LRMDA: variants seen among roughly 807,000 people sequenced by gnomAD.
LRMDA encodes the protein leucine-rich melanocyte differentiation-associated protein.
A neutral mutation model predicts 29.8 loss-of-function variants in LRMDA; 18 were observed. The observed-to-expected ratio is 0.60, with a 90% CI of 0.42 to 0.90. The LOEUF is 0.90. Among genes scored for constraint, LRMDA ranks in the 40% least tolerant of loss-of-function variants. The probability of loss-of-function intolerance (pLI) is 0.00; values close to 1 mark genes in which losing one functional copy is unlikely to be tolerated. For synonymous variants in LRMDA, 125 were observed against 109.4 expected (o/e 1.14, Z -0.89); for missense variants, 273 against 273.9 (o/e 1.00, Z 0.02).
intron 5 of LRMDA, among the ~76,000 whole-genome samples, chr10:76,126,206 T>C (rs933599103): frequency 6.6e-6 from 1 of 152,210 alleles, no homozygotes; most frequent in African/African-American, 2.4e-5. Context: ...AGGTTGTTCA[T>C]GATGGAGCTG....
At chr10:76,363,161 GAAAGAAAGAAA>G (rs1841336184) in intron 6 of LRMDA, among the ~76,000 whole-genome samples, 8 of 39,460 alleles carry the variant, frequency 2.0e-4, no homozygotes, top group Non-Finnish European at 3.1e-4. Context: ...AAGAAAGAAA[GAAAGAAAGAAA>G]GAAAGGAGGG....
rs1842350234 is a variant in LRMDA at position 76,445,942 on chromosome 10, A to T, written c.602-111267A>T. ...ACTTCAGATCATTTTTATTATTAAG[A>T]AATAAAATATTTAGAAATAACTGAA... is the stretch of plus-strand genomic sequence containing the variant. On this transcript the variant is annotated intron_variant, in intron 6 of 6. Coordinates refer to ENST00000611255, the MANE Select transcript of LRMDA (RefSeq NM_001305581.2). Among the ~76,000 whole-genome samples, 4 of 152,204 alleles carry T rather than the reference A, an allele frequency of 2.6e-5. No individual in the cohort carries two copies. In the South Asian group the frequency reaches 8.3e-4, roughly 32 times the overall value.
intron 5 of LRMDA, among the ~76,000 whole-genome samples, chr10:76,120,979 C>T (rs1456410044): frequency 6.6e-6 from 1 of 151,896 alleles, no homozygotes; most frequent in Non-Finnish European, 1.5e-5. Context: ...ACTACAGGTG[C>T]CCGCCACCAC....
At chr10:75,888,023 A>G (rs11001536) in intron 2 of LRMDA, among the ~76,000 whole-genome samples, 6,487 of 152,284 alleles carry the variant, frequency 0.043, 395 homozygotes, top group East Asian at 0.31. Flanking sequence ...TTCTATTACT[A>G]TGTAAGAGCT....
At chr10:76,351,296 C>T (rs1055429235) in intron 6 of LRMDA, among the ~76,000 whole-genome samples, 3 of 152,050 alleles carry the variant, frequency 2.0e-5, no homozygotes, top group African/African-American at 7.2e-5. Context: ...GGAGAATATT[C>T]GAATTCCCCT....
chr10:75,552,464 C>A, intron 2 of LRMDA: 1 of 356,566 alleles, frequency 2.8e-6, no homozygotes, highest in Non-Finnish European at 6.0e-6. Flanking sequence ...TCACTGTATC[C>A]TTGGTTTTTA....
chr10:76,048,465 T>A lies in LRMDA; in HGVS notation c.398+1162T>A, dbSNP rs374494730. Reference sequence around the variant, plus strand: ...GTATCATCAGCTCTCAAATAATTACTATTTGTTTTTTCTATTGTAACTGGT... The same window carrying A: ...GTATCATCAGCTCTCAAATAATTACAATTTGTTTTTTCTATTGTAACTGGT... On this transcript the variant is annotated intron_variant, in intron 4 of 6. Transcript: ENST00000611255. Among the ~76,000 whole-genome samples the A allele has an allele frequency of 7.2e-5, 11 of 152,334 alleles. No individual in the cohort carries two copies. In the East Asian group the frequency reaches 2.1e-3, roughly 29 times the overall value.
intron 2 of LRMDA, among the ~76,000 whole-genome samples, chr10:75,940,255 A>C (rs2132408976): frequency 6.6e-6 from 1 of 152,212 alleles, no homozygotes; most frequent in South Asian, 2.1e-4. Flanking sequence ...TGGGGCAGTA[A>C]GCGGCTGGGG....
At position 76,124,780 on chromosome 10, in the gene LRMDA, A is replaced by G. The variant is rs1181283141; in HGVS notation, c.516+65997A>G. ...GAGAAGGACTCGCTTTTGGGGCCTC[A>G]GTTTCACCATTTGGACAGTGAACTT... On this transcript the variant is annotated intron_variant, in intron 5 of 6. Coordinates refer to ENST00000611255, the MANE Select transcript of LRMDA (RefSeq NM_001305581.2). 1.3e-5 allele frequency among the ~76,000 whole-genome samples: 2 copies of G among 152,218 alleles called. 1 individual carries two copies. Among genetic ancestry groups the G allele is most frequent in the Admixed American group, 1.3e-4 (2 of 15,282 alleles).
intron 5 of LRMDA, among the ~76,000 whole-genome samples, chr10:76,229,182 T>C (rs1181799472): frequency 1.3e-5 from 2 of 152,154 alleles, no homozygotes; most frequent in African/African-American, 4.8e-5. Flanking sequence ...CTGTTGAGGT[T>C]TGGTATTTGA....
At chr10:75,946,322 G>A (rs1043334461) in intron 2 of LRMDA, among the ~76,000 whole-genome samples, 4 of 152,204 alleles carry the variant, frequency 2.6e-5, no homozygotes, top group Non-Finnish European at 4.4e-5. Context: ...CTCATCCAAA[G>A]CACTGTCACG....
chr10:76,469,506 A>T (rs944478091), intron 6 of LRMDA, among the ~76,000 whole-genome samples: 1 of 151,926 alleles, frequency 6.6e-6, no homozygotes, highest in African/African-American at 2.4e-5. Context: ...GGAGAGTGTC[A>T]TATCTGCCTC....
At chr10:75,891,106 C>CA (rs5786197) in intron 2 of LRMDA, among the ~76,000 whole-genome samples, 22 of 146,356 alleles carry the variant, frequency 1.5e-4, no homozygotes, top group South Asian at 6.6e-4. Context: ...CTCAGTCTCA[C>CA]AAAAAAAAAA....
At chr10:76,223,705 C>T (rs1219722619) in intron 5 of LRMDA, among the ~76,000 whole-genome samples, 1 of 152,158 alleles carries the variant, frequency 6.6e-6, no homozygotes, top group East Asian at 1.9e-4. Context: ...CAGAACCAAC[C>T]ATGCTGACAC....
At chr10:75,766,530 A>G (rs1251801035) in intron 2 of LRMDA, among the ~76,000 whole-genome samples, 1 of 152,118 alleles carries the variant, frequency 6.6e-6, no homozygotes, top group Non-Finnish European at 1.5e-5. Context: ...CTTCCTTCCG[A>G]ACCCTTCCCT....
chr10:76,246,429 G>A (rs552917990), intron 5 of LRMDA, among the ~76,000 whole-genome samples: 44 of 152,222 alleles, frequency 2.9e-4, no homozygotes, highest in Middle Eastern at 6.8e-3. Context: ...CTAACAACCT[G>A]TTTTCTTCTG....
intron 5 of LRMDA, among the ~76,000 whole-genome samples, chr10:76,298,802 C>A (rs1373961108): frequency 1.3e-5 from 2 of 152,150 alleles, no homozygotes; most frequent in African/African-American, 4.8e-5. Context: ...TGTTTTGTGA[C>A]TGTATGATGG....
At chr10:76,351,372 T>G (rs150763809) in intron 6 of LRMDA, among the ~76,000 whole-genome samples, 101 of 152,290 alleles carry the variant, frequency 6.6e-4, no homozygotes, top group African/African-American at 2.2e-3. Context: ...ATTCTTTCTT[T>G]CATGGAGATA....
chr10:76,503,424 A>G (rs1842930826), intron 6 of LRMDA, among the ~76,000 whole-genome samples: 1 of 151,622 alleles, frequency 6.6e-6, no homozygotes, highest in Non-Finnish European at 1.5e-5. Flanking sequence ...CATGTCTGGT[A>G]AAATTTGGCT....
Sources: allele counts gnomAD v4.1 joint callset (sites outside exome capture counted in the v4.1 genomes callset), GRCh38; gene constraint gnomAD v4.1.1; transcripts MANE v1.5; gene names NCBI Gene and HGNC (gene_info 2026-07-23, HGNC 2026-07-21).